Variants in CNTNAP2 observed in about 807,000 individuals in gnomAD.
The protein encoded by CNTNAP2 is contactin associated protein 2, also known as contactin-associated protein-like 2.
CNTNAP2 carries 98 observed loss-of-function variants against 155.2 expected under a neutral mutation model. The ratio of observed to expected loss-of-function variants is 0.63; its 90% confidence interval spans 0.54 to 0.75. The LOEUF (loss-of-function observed/expected upper bound fraction) is 0.75. CNTNAP2 is among the 30% of genes least tolerant of loss of function. The pLI is 0.00. For missense variants in CNTNAP2, 1,727 were observed against 1,688.1 expected, an observed-to-expected ratio of 1.02 and a Z score of -0.40; for synonymous variants, 651 against 631.2, an observed-to-expected ratio of 1.03 and a Z score of -0.47.
chr7:146,228,110 A>G (rs1444734637), intron 1 of CNTNAP2, among the ~76,000 whole-genome samples: 1 of 152,178 alleles, frequency 6.6e-6, no homozygotes, highest in African/African-American at 2.4e-5. Context: ...CTGAAATTCT[A>G]CAGGATTCAT....
chr7:148,039,443 G>A (rs899753408), intron 15 of CNTNAP2, among the ~76,000 whole-genome samples: 1 of 152,086 alleles, frequency 6.6e-6, no homozygotes, highest in Non-Finnish European at 1.5e-5. Flanking sequence ...AAAGACCCTT[G>A]CAGACACACC....
chr7:146,462,767 C>T (rs1490408666), intron 1 of CNTNAP2, among the ~76,000 whole-genome samples: 1 of 152,136 alleles, frequency 6.6e-6, no homozygotes, highest in Admixed American at 6.6e-5. Flanking sequence ...TTATTTACTC[C>T]TTGTAGCGGG....
At chr7:146,970,863 A>G (rs565474260) in intron 3 of CNTNAP2, among the ~76,000 whole-genome samples, 6 of 152,300 alleles carry the variant, frequency 3.9e-5, no homozygotes, top group African/African-American at 9.6e-5. Flanking sequence ...CATATACACC[A>G]TGGAATACTA....
At chr7:146,826,857 T>TATAGAGAGAGAG (rs773069615) in intron 2 of CNTNAP2, among the ~76,000 whole-genome samples, 3 of 138,972 alleles carry the variant, frequency 2.2e-5, no homozygotes, top group African/African-American at 8.1e-5. Flanking sequence ...TATATATATA[T>TATAGAGAGAGAG]AGAGAGAGAG....
chr7:148,387,717 T>TAAAACTACCTGGGGAGCTTTTTAAAACCC (rs547576041), intron 22 of CNTNAP2, among the ~76,000 whole-genome samples: 4 of 152,136 alleles, frequency 2.6e-5, no homozygotes, highest in African/African-American at 4.8e-5. Context: ...GGAAGCACTT[T>TAAAACTACCTGGGGAGCTTTTTAAAACCC]AAAACTACCT....
At chr7:147,200,138 A>G (rs1376037342) in intron 8 of CNTNAP2, among the ~76,000 whole-genome samples, 2 of 144,206 alleles carry the variant, frequency 1.4e-5, no homozygotes, top group African/African-American at 2.6e-5. Context: ...CTCTTTACCC[A>G]CTGCTGCTTC....
At chr7:147,595,847 A>G (rs577137904) in intron 12 of CNTNAP2, among the ~76,000 whole-genome samples, 115 of 152,332 alleles carry the variant, frequency 7.5e-4, no homozygotes, top group Middle Eastern at 3.4e-3. Flanking sequence ...ATCTTACAAG[A>G]TGTCACTGAC....
chr7:146,609,878 C>A (rs1170255460), intron 1 of CNTNAP2, among the ~76,000 whole-genome samples: 1 of 152,120 alleles, frequency 6.6e-6, no homozygotes, highest in Non-Finnish European at 1.5e-5. Context: ...CAGTGGTTCA[C>A]AAAGCATGCT....
At chr7:147,837,456 C>A (rs1798652098) in intron 13 of CNTNAP2, among the ~76,000 whole-genome samples, 1 of 152,084 alleles carries the variant, frequency 6.6e-6, no homozygotes. Context: ...CACAGCCAAA[C>A]CATATCATTC....
At chr7:146,392,673 T>C (rs896516699) in intron 1 of CNTNAP2, among the ~76,000 whole-genome samples, 1 of 152,192 alleles carries the variant, frequency 6.6e-6, no homozygotes, top group African/African-American at 2.4e-5. Flanking sequence ...CAAGAATATA[T>C]TTTTTCTTCT....
intron 3 of CNTNAP2, among the ~76,000 whole-genome samples, chr7:147,004,204 T>A (rs1584777894): frequency 3.0e-5 from 3 of 99,860 alleles, no homozygotes; most frequent in Non-Finnish European, 5.9e-5. Context: ...AACTTAAAAC[T>A]CATATACCAA....
chr7:147,364,665 C>T (rs1012217294), intron 9 of CNTNAP2, among the ~76,000 whole-genome samples: 11 of 152,170 alleles, frequency 7.2e-5, no homozygotes, highest in East Asian at 3.9e-4. Context: ...CTGGCTAACA[C>T]GGTGAAACCC....
intron 1 of CNTNAP2, among the ~76,000 whole-genome samples, chr7:146,617,154 G>T (rs1799240255): frequency 6.6e-6 from 1 of 152,154 alleles, no homozygotes; most frequent in African/African-American, 2.4e-5. Context: ...CGAGTAGCTG[G>T]GATGGAAACC....
chr7:147,213,310 T>C (rs141989811), intron 8 of CNTNAP2, among the ~76,000 whole-genome samples: 3 of 152,148 alleles, frequency 2.0e-5, no homozygotes, highest in African/African-American at 7.2e-5. Flanking sequence ...TCTATCCACA[T>C]TGGTGAGGGC....
At chr7:147,086,259 A>G (rs59045348) in intron 4 of CNTNAP2, among the ~76,000 whole-genome samples, 4,778 of 152,276 alleles carry the variant, frequency 0.031, 236 homozygotes, top group African/African-American at 0.1. Context: ...GGTTTGAAGA[A>G]TAAATGAGTT....
intron 18 of CNTNAP2, among the ~76,000 whole-genome samples, chr7:148,177,687 C>T (rs540807189): frequency 1.7e-3 from 255 of 152,190 alleles, no homozygotes; most frequent in Middle Eastern, 6.8e-3. Context: ...TCCTATTGTA[C>T]CAAGAAGGAG....
intron 12 of CNTNAP2, among the ~76,000 whole-genome samples, chr7:147,573,805 T>C (rs1199101920): frequency 6.6e-6 from 1 of 152,160 alleles, no homozygotes; most frequent in African/African-American, 2.4e-5. Context: ...ATCCCCCCTA[T>C]ATTGGAATGC....
intron 1 of CNTNAP2, among the ~76,000 whole-genome samples, chr7:146,588,560 G>A (rs1798733209): frequency 6.6e-6 from 1 of 151,214 alleles, no homozygotes; most frequent in South Asian, 2.1e-4. Flanking sequence ...AGGCTGAGGT[G>A]CAGTGGCATT....
intron 10 of CNTNAP2, among the ~76,000 whole-genome samples, chr7:147,474,008 G>A (rs1396117829): frequency 6.6e-6 from 1 of 152,012 alleles, no homozygotes; most frequent in Non-Finnish European, 1.5e-5. Context: ...GAACCTTGGA[G>A]GCGGAGGTTG....
Sources: gnomAD v4.1 joint callset for allele counts (sites outside exome capture counted in the v4.1 genomes callset) on GRCh38, gnomAD v4.1.1 for gene constraint, MANE v1.5 for transcripts, NCBI Gene and HGNC (gene_info 2026-07-23, HGNC 2026-07-21) for gene names.